The following ZNF740 variants were observed in gnomAD, a reference collection of about 807,000 sequenced individuals.
ZNF740 encodes zinc finger protein 740.
A neutral mutation model predicts 24.8 loss-of-function variants in ZNF740; 14 were observed. That is an observed-to-expected ratio of 0.56 (90% CI 0.37 to 0.88). ZNF740 has a LOEUF of 0.88. ZNF740 is among the 40% of genes least tolerant of loss of function. The pLI is 0.00. For missense variants in ZNF740, 201 were observed against 247.9 expected (o/e 0.81, Z 1.27); for synonymous variants, 69 against 84.0 (o/e 0.82, Z 0.98).
rs1366933482 is a variant in ZNF740 at position 53,186,789 on chromosome 12, T to C, written c.492+280T>C. ...TAGATGATTTTATTTAATCCTCACA[T>C]TGACTCCCTAAGGTAGCTGTATTGT... is the stretch of plus-strand genomic sequence containing the variant. On this transcript the variant is annotated intron_variant, in intron 6 of 6. Coordinates refer to ENST00000416904, the MANE Select transcript of ZNF740 (RefSeq NM_001004304.4). 1.4e-5 allele frequency: 4 copies of C among 295,960 alleles called. No individual in the cohort carries two copies. The Admixed American group carries it at 1.7e-4, about 13-fold the overall frequency. The allele number at this position is 295,960 out of a possible 1,614,324, so 18.3% of individuals were successfully genotyped here. A position where few individuals can be genotyped will look rare whatever the true frequency, so the allele number is the denominator to read the frequency against.
intron 6 of ZNF740, 132 bp downstream of exon 6, chr12:53,186,641 G>A: frequency 1.5e-6 from 1 of 652,728 alleles, no homozygotes; most frequent in Non-Finnish European, 2.7e-6. Flanking sequence ...TCGGGGTGAA[G>A]TGCATCTGTC....
chr12:53,187,487 C>A lies in ZNF740; in HGVS notation c.493-14C>A. The A allele has an allele frequency of 6.2e-7, 1 of 1,612,884 alleles. No homozygotes were observed. The highest frequency in any genetic ancestry group is 8.5e-7 in the Non-Finnish European group (1 of 1,178,988). ...TTTGTCTGCTCAGGCACTTAACCCT[C>A]CCTTTCTTCTCAGTGTTTTTCTCGG... On this transcript the variant is annotated splice_polypyrimidine_tract_variant and intron_variant, in intron 6 of 6. Coordinates refer to ENST00000416904, the MANE Select transcript of ZNF740 (RefSeq NM_001004304.4).
Position 53,191,243 on chromosome 12 carries a change from TG to T in ZNF740, c.*3655del, listed in dbSNP as rs1941932396. On this transcript the variant is annotated 3_prime_UTR_variant, in exon 7 of 7. Coordinates refer to ENST00000416904, the MANE Select transcript of ZNF740 (RefSeq NM_001004304.4). ...CTGCCCTCAGGTGGCAAGAGGAGGATGGACAAGAGCTTTCCCGAGGCCCAGG... is the reference window on the plus strand; with the variant it reads ...CTGCCCTCAGGTGGCAAGAGGAGGATGACAAGAGCTTTCCCGAGGCCCAGG... 2.8e-6 allele frequency: 1 copy of T among 351,152 alleles called. No individual in the cohort carries two copies. 21.8% of individuals were successfully genotyped at this position (351,152 alleles called of 1,614,324 possible).
intron 5 of ZNF740, 27 bp from the exon 6 acceptor site, chr12:53,186,364 A>G (rs764076847): frequency 1.3e-6 from 2 of 1,546,464 alleles, no homozygotes; most frequent in Admixed American, 1.9e-5. Flanking sequence ...ACCTCCCCAC[A>G]TTCACTTCTC....
rs1555176440 is a variant in ZNF740 at position 53,189,050 on chromosome 12, T to G, written c.*1460T>G. The stretch of plus-strand genomic sequence containing the variant: ...CTCTTGCCCAAACATGAAGGGTGCT[T>G]GAGGTCTCAGCAGGAGCTGAAGAAC... On this transcript the variant is annotated 3_prime_UTR_variant, in exon 7 of 7. Transcript: ENST00000416904. The G allele has an allele frequency of 6.6e-6, 1 of 152,018 alleles. No homozygotes were observed. Among genetic ancestry groups the G allele is most frequent in the Non-Finnish European group, 1.5e-5 (1 of 68,002 alleles). The allele number at this position is 152,018 out of a possible 1,614,324, so 9.4% of individuals were successfully genotyped here.
At chr12:53,180,925 GGGGGA>G in intron 1 of ZNF740, 88 bp downstream of exon 1, 114 of 1,085,098 alleles carry the variant, frequency 1.1e-4, no homozygotes, top group Non-Finnish European at 1.1e-4. Flanking sequence ...CGCGCGGGAA[GGGGGA>G]GGGGAGGGGA....
In ZNF740 at chr12:53,190,289, A is replaced by C. The variant is rs1370223525; in HGVS notation, c.*2699A>C. 2 of 152,602 alleles carry C rather than the reference A, an allele frequency of 1.3e-5. No individual in the cohort carries two copies. Among genetic ancestry groups the C allele is most frequent in the South Asian group, 4.1e-4 (2 of 4,824 alleles). 9.5% of individuals were successfully genotyped at this position (152,602 alleles called of 1,614,324 possible). A position where few individuals can be genotyped will look rare whatever the true frequency, so the allele number is the denominator to read the frequency against. ...CAGAGGCTCCTGGGCCCAATGCCCG[A>C]CCCCTGCTGGCCAGCATGGGGCCTA... is the stretch of plus-strand genomic sequence containing the variant. On this transcript the variant is annotated 3_prime_UTR_variant, in exon 7 of 7. Transcript: ENST00000416904.
chr12:53,194,140 T>C lies in ZNF740; in HGVS notation c.*6550T>C, dbSNP rs1942073120. The stretch of plus-strand genomic sequence containing the variant: ...TGCCACCCATCTTTTCCTGCCTGCT[T>C]AATTTCCCACTCCCACCTCCCCCTG... On this transcript the variant is annotated 3_prime_UTR_variant, in exon 7 of 7. Coordinates refer to ENST00000416904, the MANE Select transcript of ZNF740 (RefSeq NM_001004304.4). 1 of 1,608,998 alleles carries C rather than the reference T, an allele frequency of 6.2e-7. No individual in the cohort carries two copies.
At position 53,189,387 on chromosome 12, in the gene ZNF740, A is replaced by C. The variant is rs1337070158; in HGVS notation, c.*1797A>C. 1.4e-5 allele frequency: 2 copies of C among 142,878 alleles called. No individual in the cohort carries two copies. Among genetic ancestry groups the C allele is most frequent in the Non-Finnish European group, 3.0e-5 (2 of 65,954 alleles). The allele number at this position is 142,878 out of a possible 1,614,324, so 8.9% of individuals were successfully genotyped here. A position where few individuals can be genotyped will look rare whatever the true frequency, so the allele number is the denominator to read the frequency against. On this transcript the variant is annotated 3_prime_UTR_variant, in exon 7 of 7. Transcript: ENST00000416904. ...GAGATGGGAAACTCCTGAAAGTATG[A>C]TTTCATTTCCCAGAAAATGTAAAGA...
At position 53,191,358 on chromosome 12, in the gene ZNF740, TA is replaced by T. The variant is rs944943760; in HGVS notation, c.*3769del. 13 of 599,686 alleles carry T rather than the reference TA, an allele frequency of 2.2e-5. No homozygotes were observed. The highest frequency in any genetic ancestry group is 3.9e-5 in the Non-Finnish European group (13 of 333,402). 37.1% of individuals were successfully genotyped at this position (599,686 alleles called of 1,614,324 possible). On this transcript the variant is annotated 3_prime_UTR_variant, in exon 7 of 7. Coordinates refer to ENST00000416904, the MANE Select transcript of ZNF740 (RefSeq NM_001004304.4). ...GACTTTATTGTATACTTGGGTGGGG[TA>T]GCCCAGATGGATGCAAGGTTGCAGG...
Position 53,189,908 on chromosome 12 carries a change from T to TG in ZNF740, c.*2319dup, listed in dbSNP as rs1309619371. On this transcript the variant is annotated 3_prime_UTR_variant, in exon 7 of 7. Coordinates refer to ENST00000416904, the MANE Select transcript of ZNF740 (RefSeq NM_001004304.4). ...ACAGCTAGTCTCTTTGGGATAGGGG[T>TG]GTATGTGGAGAGATTCATGTAAGTC... 6.6e-6 allele frequency: 1 copy of TG among 151,696 alleles called. No homozygotes were observed. The allele number at this position is 151,696 out of a possible 1,614,324, so 9.4% of individuals were successfully genotyped here. A position where few individuals can be genotyped will look rare whatever the true frequency, so the allele number is the denominator to read the frequency against.
Position 53,181,708 on chromosome 12 carries a change from A to G in ZNF740, c.-276A>G, listed in dbSNP as rs1941650591. 1 of 476,810 alleles carries G rather than the reference A, an allele frequency of 2.1e-6. No homozygotes were observed. Among genetic ancestry groups the G allele is most frequent in the African/African-American group, 2.0e-5 (1 of 49,730 alleles). The allele number at this position is 476,810 out of a possible 1,614,324, so 29.5% of individuals were successfully genotyped here. A position where few individuals can be genotyped will look rare whatever the true frequency, so the allele number is the denominator to read the frequency against. On this transcript the variant is annotated 5_prime_UTR_variant, in exon 2 of 7. Coordinates refer to ENST00000416904, the MANE Select transcript of ZNF740 (RefSeq NM_001004304.4). ...GAAACAGATCGTGAGCTTCATCAAG[A>G]GAATTCAACTGGAAAACCAAGACTG...
rs1250448989 is a variant in ZNF740, at chr12:53,191,185, GT to G, written c.*3598del. On this transcript the variant is annotated 3_prime_UTR_variant, in exon 7 of 7. Coordinates refer to ENST00000416904, the MANE Select transcript of ZNF740 (RefSeq NM_001004304.4). ...CTGGGTCCCAGGGTGCACCCCGGGA[GT>G]TTCCTGCACATTCGCGCTTGGGCAC... 4 of 282,010 alleles carry G rather than the reference GT, an allele frequency of 1.4e-5. No homozygotes were observed. The highest frequency in any genetic ancestry group is 2.8e-5 in the Non-Finnish European group (4 of 143,242). The allele number at this position is 282,010 out of a possible 1,614,324, so 17.5% of individuals were successfully genotyped here. A position where few individuals can be genotyped will look rare whatever the true frequency, so the allele number is the denominator to read the frequency against.
intron 2 of ZNF740, chr12:53,182,310 CTTT>C (rs963962488): frequency 7.3e-6 from 2 of 274,016 alleles, no homozygotes; most frequent in African/African-American, 4.4e-5. Context: ...GTGAATGCTT[CTTT>C]TGTTTTTTTC....
At chr12:53,184,117 GTGTGTGTGT>G (rs1565690532) in intron 2 of ZNF740, among the ~76,000 whole-genome samples, 80 of 103,912 alleles carry the variant, frequency 7.7e-4, no homozygotes, top group Admixed American at 3.2e-3. Flanking sequence ...GCTAAGGGGT[GTGTGTGTGT>G]GTGTGTGTGT....
rs1942066197 is a variant in ZNF740 at position 53,193,978 on chromosome 12, C to T, written c.*6388C>T. 2.1e-6 allele frequency: 3 copies of T among 1,421,258 alleles called. No homozygotes were observed. The highest frequency in any genetic ancestry group is 2.9e-6 in the Non-Finnish European group (3 of 1,035,456). The allele number at this position is 1,421,258 out of a possible 1,614,324, so 88.0% of individuals were successfully genotyped here. On this transcript the variant is annotated 3_prime_UTR_variant, in exon 7 of 7. Transcript: ENST00000416904. ...CCCCAAACTCACCAATCATCCAGAA[C>T]CTCACCCCTTAGTAAATGAAGGGAT...
At position 53,191,693 on chromosome 12, in the gene ZNF740, C is replaced by A. The variant is rs554153976; in HGVS notation, c.*4103C>A. The A allele has an allele frequency of 1.9e-4, 301 of 1,564,432 alleles. No homozygotes were observed. In the African/African-American group the frequency reaches 3.6e-3, roughly 19 times the overall value. ...AATCCCAGGATTCCTCGTCCCCTTT[C>A]TAGACCTAAGAGGCCAGCCTTGAGC... is the stretch of plus-strand genomic sequence containing the variant. On this transcript the variant is annotated 3_prime_UTR_variant, in exon 7 of 7. Coordinates refer to ENST00000416904, the MANE Select transcript of ZNF740 (RefSeq NM_001004304.4).
chr12:53,194,553 A>G lies in ZNF740; in HGVS notation c.*6963A>G, dbSNP rs1479564543. On this transcript the variant is annotated 3_prime_UTR_variant, in exon 7 of 7. Transcript: ENST00000416904. ...TACAGGATCCAGAGGCCTCTAATAC[A>G]GCATTTCAGTGCAGCTGCCAGCAAG... 4 of 517,412 alleles carry G rather than the reference A, an allele frequency of 7.7e-6. No homozygotes were observed. The Admixed American group carries it at 9.5e-5, about 12-fold the overall frequency. The allele number at this position is 517,412 out of a possible 1,614,324, so 32.1% of individuals were successfully genotyped here.
In ZNF740 at chr12:53,194,062, C is replaced by G. The variant is rs1329056333; in HGVS notation, c.*6472C>G. On this transcript the variant is annotated 3_prime_UTR_variant, in exon 7 of 7. Coordinates refer to ENST00000416904, the MANE Select transcript of ZNF740 (RefSeq NM_001004304.4). The stretch of plus-strand genomic sequence containing the variant: ...GCCTGAGGAAGCCACTCAGACTGCT[C>G]CAGGAAGGATGGATGGAGGACTACC... The G allele has an allele frequency of 8.0e-5, 112 of 1,401,368 alleles. 2 individuals carry two copies. The South Asian group carries it at 1.4e-3, about 18-fold the overall frequency. The allele number at this position is 1,401,368 out of a possible 1,614,324, so 86.8% of individuals were successfully genotyped here. A position where few individuals can be genotyped will look rare whatever the true frequency, so the allele number is the denominator to read the frequency against.
Sources: gnomAD v4.1 joint callset for allele counts (sites outside exome capture counted in the v4.1 genomes callset) on GRCh38, gnomAD v4.1.1 for gene constraint, MANE v1.5 for transcripts, NCBI Gene and HGNC (gene_info 2026-07-23, HGNC 2026-07-21) for gene names.